POM121C: variants seen among roughly 807,000 people sequenced by gnomAD.
The protein encoded by POM121C is nuclear envelope pore membrane protein POM 121C.
Under a neutral mutation model 66.4 loss-of-function variants are expected in POM121C, and 20 were observed. The ratio of observed to expected loss-of-function variants is 0.30; its 90% confidence interval spans 0.21 to 0.44. POM121C has a LOEUF of 0.44. POM121C is among the 20% of genes least tolerant of loss of function. The pLI, the probability that POM121C is intolerant of heterozygous loss-of-function variation, is 1.00. For missense variants in POM121C, 580 were observed against 1,225.7 expected (o/e 0.47, Z 7.87); for synonymous variants, 286 against 528.0 (o/e 0.54, Z 6.28).
intron 3 of POM121C, among the ~76,000 whole-genome samples, chr7:75,450,647 A>G (rs1554475452): frequency 6.6e-6 from 1 of 152,274 alleles, no homozygotes; most frequent in African/African-American, 2.4e-5. Context: ...ACATGCTAAA[A>G]GAATCAGAGA....
At chr7:75,436,991 T>C (rs1275082788) in intron 7 of POM121C, among the ~76,000 whole-genome samples, 2 of 152,182 alleles carry the variant, frequency 1.3e-5, no homozygotes, top group Admixed American at 1.3e-4. Context: ...TATGCAATAA[T>C]CCCCTTTCCA....
chr7:75,436,751 C>T (rs1325323382), intron 7 of POM121C, among the ~76,000 whole-genome samples: 4 of 152,056 alleles, frequency 2.6e-5, no homozygotes, highest in African/African-American at 9.7e-5. Flanking sequence ...GATTGTCTGC[C>T]CAAGACCTTA....
intron 7 of POM121C, among the ~76,000 whole-genome samples, chr7:75,429,375 T>C (rs1790080452): frequency 6.6e-6 from 1 of 152,258 alleles, no homozygotes; most frequent in Non-Finnish European, 1.5e-5. Context: ...CTCATGCCTA[T>C]AATCCCAGCA....
At chr7:75,431,455 T>G (rs1790173522) in intron 7 of POM121C, among the ~76,000 whole-genome samples, 2 of 151,356 alleles carry the variant, frequency 1.3e-5, no homozygotes, top group African/African-American at 2.4e-5. Context: ...AATACAAAAT[T>G]TGCTGGGCGT....
intron 3 of POM121C, among the ~76,000 whole-genome samples, chr7:75,453,335 C>T (rs587611970): frequency 6.0e-5 from 9 of 150,066 alleles, no homozygotes; most frequent in Admixed American, 2.0e-4. Flanking sequence ...ATAATCTCAG[C>T]ACTTTGGGAG....
chr7:75,440,998 C>G lies in POM121C; in HGVS notation c.183G>C (p.Glu61Asp). 1 of 1,613,976 alleles carries G rather than the reference C, an allele frequency of 6.2e-7. No homozygotes were observed. The highest frequency in any genetic ancestry group is 8.5e-7 in the Non-Finnish European group (1 of 1,179,868). Reference sequence around the variant, plus strand: ...CATCAAGGAATATTTGGTCTTCTTCCTCCACTGTCCTTTTCTTCTTCTTCT... The same window carrying G: ...CATCAAGGAATATTTGGTCTTCTTCGTCCACTGTCCTTTTCTTCTTCTTCT... ...LKEKKKKRTV[E>D]EEDQIFLDGQ... Residue 61 changes from glutamate (E) to aspartate (D), a missense_variant, in exon 5 of 15, where the codon GAG (glutamate) becomes GAC (aspartate). Physicochemically the swap from Glu to Asp is conservative, Grantham distance 45 (BLOSUM62 2). Coordinates refer to ENST00000615331, the MANE Select transcript of POM121C (RefSeq NM_001099415.3).
At chr7:75,423,715 A>G (rs390071) in intron 12 of POM121C, among the ~76,000 whole-genome samples, 48 of 152,258 alleles carry the variant, frequency 3.2e-4, no homozygotes, top group African/African-American at 8.9e-4. Context: ...CTGGACCAGT[A>G]GTTCTGACAG....
intron 1 of POM121C, among the ~76,000 whole-genome samples, 164 bp from the exon 2 acceptor site, chr7:75,475,352 C>CTTTATA (rs1395898869): frequency 5.9e-5 from 9 of 152,080 alleles, no homozygotes; most frequent in African/African-American, 2.2e-4. Flanking sequence ...CTTTGGGGTC[C>CTTTATA]TTTATATATA....
At chr7:75,437,476 G>A in intron 7 of POM121C, 39 bp downstream of exon 7, 1 of 1,581,260 alleles carries the variant, frequency 6.3e-7, no homozygotes, top group Non-Finnish European at 8.6e-7. Flanking sequence ...TGAACGCTGG[G>A]AATTCATGCC....
chr7:75,429,499 C>T (rs112770462), intron 7 of POM121C, among the ~76,000 whole-genome samples: 31 of 152,098 alleles, frequency 2.0e-4, no homozygotes, highest in African/African-American at 4.8e-4. Flanking sequence ...GGTGTGGTGG[C>T]GCATGCCTGT....
chr7:75,482,327 C>G (rs1792336465), intron 1 of POM121C, among the ~76,000 whole-genome samples: 1 of 152,158 alleles, frequency 6.6e-6, no homozygotes, highest in African/African-American at 2.4e-5. Flanking sequence ...TGTAATCCTA[C>G]CACTTTGGGA....
chr7:75,431,694 T>G (rs1304051207), intron 7 of POM121C, among the ~76,000 whole-genome samples: 2 of 151,560 alleles, frequency 1.3e-5, no homozygotes, highest in Non-Finnish European at 2.9e-5. Context: ...CTCATGCCTG[T>G]AATCCCAGCA....
Position 75,416,962 on chromosome 7 carries a change from A to G in POM121C, c.*1834T>C, listed in dbSNP as rs1299156806. ...TACACATCCACACTCACTCTCACTC[A>G]GGGTTCCCGGACCGGCTGTCCTGCC... is the stretch of plus-strand genomic sequence containing the variant. On this transcript the variant is annotated 3_prime_UTR_variant, in exon 15 of 15. Coordinates refer to ENST00000615331, the MANE Select transcript of POM121C (RefSeq NM_001099415.3). The G allele has an allele frequency of 3.6e-6, 5 of 1,375,092 alleles. No individual in the cohort carries two copies. Among genetic ancestry groups the G allele is most frequent in the Admixed American group, 3.1e-5 (1 of 32,514 alleles). The allele number at this position is 1,375,092 out of a possible 1,614,324, so 85.2% of individuals were successfully genotyped here. A position where few individuals can be genotyped will look rare whatever the true frequency, so the allele number is the denominator to read the frequency against.
intron 1 of POM121C, among the ~76,000 whole-genome samples, chr7:75,476,778 G>A (rs1287102307): frequency 4.6e-5 from 7 of 151,972 alleles, no homozygotes; most frequent in African/African-American, 1.7e-4. Context: ...ACAAAATCCA[G>A]TACCAGATTA....
intron 4 of POM121C, 128 bp downstream of exon 4, chr7:75,441,304 T>C (rs1554473935): frequency 7.4e-7 from 1 of 1,355,596 alleles, no homozygotes; most frequent in African/African-American, 1.5e-5. Flanking sequence ...TAGAATTTGG[T>C]ATTTCTCATT....
intron 3 of POM121C, chr7:75,442,412 T>C (rs1410304777): frequency 4.9e-6 from 7 of 1,440,848 alleles, no homozygotes; most frequent in African/African-American, 1.5e-5. Flanking sequence ...GAGGTTTCCG[T>C]TGGCTGTCGA....
At chr7:75,478,966 A>C (rs1554479743) in intron 1 of POM121C, among the ~76,000 whole-genome samples, 2 of 147,354 alleles carry the variant, frequency 1.4e-5, no homozygotes, top group African/African-American at 5.1e-5. Flanking sequence ...GTCCAAAACT[A>C]GTGATAAAAA....
At chr7:75,448,833 A>G (rs1305593114) in intron 3 of POM121C, among the ~76,000 whole-genome samples, 1 of 150,898 alleles carries the variant, frequency 6.6e-6, no homozygotes, top group Non-Finnish European at 1.5e-5. Flanking sequence ...ATTAGAAACA[A>G]CTCTGAAAAA....
chr7:75,441,441 C>T lies in POM121C; in HGVS notation c.56G>A (p.Arg19His), dbSNP rs782028615. 9 of 1,613,776 alleles carry T rather than the reference C, an allele frequency of 5.6e-6. No homozygotes were observed. The highest frequency in any genetic ancestry group is 1.7e-5 in the Admixed American group (1 of 59,986). Residue 19 changes from arginine (R) to histidine (H), a missense_variant, in exon 4 of 15, where the codon CGT (arginine) becomes CAT (histidine). Coordinates refer to ENST00000615331, the MANE Select transcript of POM121C (RefSeq NM_001099415.3). ...RIAPPDRRFS[R>H]SAIPEQIISS... The stretch of plus-strand genomic sequence containing the variant: ...CAACGATAATACTCACATCGCAGAA[C>T]GTGAAAATCTTCTGTCAGGAGGGGC...
Sources: gnomAD v4.1 joint callset for allele counts (sites outside exome capture counted in the v4.1 genomes callset) on GRCh38, gnomAD v4.1.1 for gene constraint, MANE v1.5 for transcripts, NCBI Gene and HGNC (gene_info 2026-07-23, HGNC 2026-07-21) for gene names.